Variants in FRMD4A observed in about 807,000 individuals in gnomAD.
The protein encoded by FRMD4A is FERM domain containing 4A, also known as FERM domain-containing protein 4A.
A neutral mutation model predicts 129.1 loss-of-function variants in FRMD4A; 29 were observed. The observed-to-expected ratio is 0.22, with a 90% CI of 0.17 to 0.31. The LOEUF (loss-of-function observed/expected upper bound fraction) is 0.31, where lower values mean the gene tolerates loss of function less well. FRMD4A is among the 10% of genes least tolerant of loss of function. FRMD4A has a pLI of 1.00. For missense variants in FRMD4A, 1,272 were observed against 1,375.8 expected (o/e 0.92, Z 1.19); for synonymous variants, 634 against 571.6 (o/e 1.11, Z -1.56).
chr10:14,126,169 CTTTT>C (rs55649566), intron 2 of FRMD4A, among the ~76,000 whole-genome samples: 1 of 122,380 alleles, frequency 8.2e-6, no homozygotes, highest in Non-Finnish European at 1.6e-5. Context: ...ACCTTGCCCA[CTTTT>C]TTTTTTTTTT....
intron 2 of FRMD4A, among the ~76,000 whole-genome samples, chr10:14,019,112 A>G (rs1391774023): frequency 6.6e-6 from 1 of 152,180 alleles, no homozygotes; most frequent in African/African-American, 2.4e-5. Context: ...AGTTCCCAGA[A>G]TAATAGAAAA....
At chr10:13,791,815 G>T (rs112150441) in intron 5 of FRMD4A, among the ~76,000 whole-genome samples, 1 of 152,144 alleles carries the variant, frequency 6.6e-6, no homozygotes. Flanking sequence ...TGTAAGTCTC[G>T]GGAGTGACAC....
At chr10:14,298,727 A>T (rs1419269074) in intron 2 of FRMD4A, among the ~76,000 whole-genome samples, 1 of 152,220 alleles carries the variant, frequency 6.6e-6, no homozygotes, top group Non-Finnish European at 1.5e-5. Flanking sequence ...TCTAGGGAAG[A>T]GCCCTTCAGA....
intron 16 of FRMD4A, among the ~76,000 whole-genome samples, chr10:13,671,839 C>T (rs2083534215): frequency 6.6e-6 from 1 of 152,260 alleles, no homozygotes; most frequent in Admixed American, 6.5e-5. Flanking sequence ...CCAGGCCAAG[C>T]CCAGCTCTGG....
At chr10:14,027,129 T>A (rs536586757) in intron 2 of FRMD4A, among the ~76,000 whole-genome samples, 2 of 152,356 alleles carry the variant, frequency 1.3e-5, no homozygotes, top group Admixed American at 1.3e-4. Context: ...CCTTATGAAT[T>A]AAATTTGGAC....
intron 2 of FRMD4A, among the ~76,000 whole-genome samples, chr10:14,183,801 G>A (rs1351392404): frequency 6.6e-6 from 1 of 152,122 alleles, no homozygotes; most frequent in East Asian, 1.9e-4. Context: ...AGCCAAGTTG[G>A]CATTTTGATC....
intron 2 of FRMD4A, among the ~76,000 whole-genome samples, chr10:14,190,874 G>C (rs569362824): frequency 6.6e-6 from 1 of 152,190 alleles, no homozygotes; most frequent in African/African-American, 2.4e-5. Context: ...GAAAGTCCTT[G>C]GGCATGCGCA....
chr10:14,052,501 G>A (rs1427385823), intron 2 of FRMD4A, among the ~76,000 whole-genome samples: 1 of 152,170 alleles, frequency 6.6e-6, no homozygotes, highest in Non-Finnish European at 1.5e-5. Context: ...AAAAGAAGGG[G>A]AGCCAGCATG....
At chr10:13,818,497 AG>A (rs1286664131) in intron 3 of FRMD4A, among the ~76,000 whole-genome samples, 2 of 152,120 alleles carry the variant, frequency 1.3e-5, no homozygotes, top group African/African-American at 4.8e-5. Flanking sequence ...TATTAAATTT[AG>A]CTTCTTCCTT....
At chr10:13,935,687 G>C (rs888069201) in intron 2 of FRMD4A, among the ~76,000 whole-genome samples, 1 of 151,980 alleles carries the variant, frequency 6.6e-6, no homozygotes, top group African/African-American at 2.4e-5. Context: ...CCTTTTTTCA[G>C]CACCTGCGAT....
At chr10:13,796,751 TG>T (rs2093127938) in intron 4 of FRMD4A, among the ~76,000 whole-genome samples, 163 bp from the exon 5 acceptor site, 1 of 152,172 alleles carries the variant, frequency 6.6e-6, no homozygotes, top group African/African-American at 2.4e-5. Flanking sequence ...GACTAAGTCT[TG>T]CTCTGTGACC....
intron 2 of FRMD4A, among the ~76,000 whole-genome samples, chr10:14,253,549 C>G (rs1844511518): frequency 6.6e-6 from 1 of 152,172 alleles, no homozygotes; most frequent in Admixed American, 6.5e-5. Context: ...TTTAGTAATT[C>G]TTTCTGGTAT....
At chr10:13,964,077 CAG>C (rs1340503184) in intron 2 of FRMD4A, among the ~76,000 whole-genome samples, 2 of 150,848 alleles carry the variant, frequency 1.3e-5, no homozygotes, top group Non-Finnish European at 2.9e-5. Flanking sequence ...AACCCAGAAC[CAG>C]AGAGGAGAGG....
At chr10:14,165,715 G>T (rs924384721) in intron 2 of FRMD4A, among the ~76,000 whole-genome samples, 13 of 152,190 alleles carry the variant, frequency 8.5e-5, no homozygotes, top group Non-Finnish European at 2.9e-5. Context: ...AACATGGATG[G>T]AGCTGGAGCC....
rs1269079088 is a variant in FRMD4A at position 13,740,861 on chromosome 10, C to A, written c.549-284G>T. ...TTTTTTTTTGAGACGGAGTCTTGCT[C>A]TGTCACCCAGGCTAGAGTGCAATGG... On this transcript the variant is annotated intron_variant, in intron 9 of 24. Coordinates refer to ENST00000357447, the MANE Select transcript of FRMD4A (RefSeq NM_018027.5). Among the ~76,000 whole-genome samples, 31 of 119,142 alleles carry A rather than the reference C, an allele frequency of 2.6e-4. 1 individual carries two copies. In the Admixed American group the frequency reaches 3.2e-3, roughly 12 times the overall value. 78.2% of individuals were successfully genotyped at this position (119,142 alleles called of 152,430 possible).
intron 12 of FRMD4A, among the ~76,000 whole-genome samples, chr10:13,711,029 A>G (rs1414242846): frequency 6.6e-6 from 1 of 152,084 alleles, no homozygotes; most frequent in Non-Finnish European, 1.5e-5. Context: ...AAACACAAAA[A>G]CAAAAGGGTC....
intron 2 of FRMD4A, among the ~76,000 whole-genome samples, chr10:14,287,674 G>A (rs1361281801): frequency 6.6e-6 from 1 of 152,044 alleles, no homozygotes; most frequent in Non-Finnish European, 1.5e-5. Context: ...TCACTAGTTA[G>A]GAAATAAGGC....
chr10:13,985,600 C>T (rs2095578247), intron 2 of FRMD4A, among the ~76,000 whole-genome samples: 1 of 152,166 alleles, frequency 6.6e-6, no homozygotes, highest in Non-Finnish European at 1.5e-5. Flanking sequence ...GAGCTGGGAG[C>T]AGGGTTAGCA....
At chr10:13,740,403 A>AC in intron 10 of FRMD4A, 109 bp downstream of exon 10, 7 of 872,838 alleles carry the variant, frequency 8.0e-6, no homozygotes, top group South Asian at 1.4e-5. Flanking sequence ...GGAAACATAC[A>AC]CCCCCCACTC....
Sources: allele counts gnomAD v4.1 joint callset (sites outside exome capture counted in the v4.1 genomes callset), GRCh38; gene constraint gnomAD v4.1.1; transcripts MANE v1.5; gene names NCBI Gene and HGNC (gene_info 2026-07-23, HGNC 2026-07-21).